The following CCSER1 variants were observed in gnomAD, a reference collection of about 807,000 sequenced individuals.
CCSER1 encodes coiled-coil serine rich protein 1.
Under a neutral mutation model 82.0 loss-of-function variants are expected in CCSER1, and 41 were observed. That is an observed-to-expected ratio of 0.50 (90% CI 0.39 to 0.65). The LOEUF is 0.65. Among genes scored for constraint, CCSER1 ranks in the 30% least tolerant of loss-of-function variants. The pLI is 0.00. For missense variants in CCSER1, 1,119 were observed against 1,064.2 expected (o/e 1.05, Z -0.72); for synonymous variants, 414 against 383.9 (o/e 1.08, Z -0.92).
At chr4:91,341,948 T>C (rs1747748406) in intron 10 of CCSER1, among the ~76,000 whole-genome samples, 1 of 152,218 alleles carries the variant, frequency 6.6e-6, no homozygotes, top group African/African-American at 2.4e-5. Flanking sequence ...AATATTTTCA[T>C]GCATCTACAT....
chr4:91,039,134 C>A (rs1433380420), intron 9 of CCSER1, among the ~76,000 whole-genome samples: 2 of 152,102 alleles, frequency 1.3e-5, no homozygotes, highest in Admixed American at 6.6e-5. Context: ...CTCAAGCAAT[C>A]CTCCCACCTA....
intron 5 of CCSER1, among the ~76,000 whole-genome samples, chr4:90,566,432 T>TAAA (rs146449432): frequency 6.8e-6 from 1 of 147,096 alleles, no homozygotes. Flanking sequence ...CTCTGTAAAT[T>TAAA]AAAAAAAAAA....
At chr4:90,992,156 G>T (rs952892329) in intron 9 of CCSER1, among the ~76,000 whole-genome samples, 2 of 151,968 alleles carry the variant, frequency 1.3e-5, no homozygotes, top group African/African-American at 4.8e-5. Flanking sequence ...TGCCAAACTT[G>T]TAGATAATTT....
chr4:90,748,143 G>A lies in CCSER1; in HGVS notation c.2010+24152G>A, dbSNP rs1188106602. On this transcript the variant is annotated intron_variant, in intron 7 of 10. Coordinates refer to ENST00000509176, the MANE Select transcript of CCSER1 (RefSeq NM_001145065.2). ...GCTGGTGCGCTGCACCCACTAACTC[G>A]TCATCTAGCATTAGGTATATCTCCC... Among the ~76,000 whole-genome samples the A allele has an allele frequency of 3.0e-4, 41 of 135,144 alleles. 1 individual carries two copies. The highest frequency in any genetic ancestry group is 1.3e-3 in the Admixed American group (17 of 13,476). 88.7% of individuals were successfully genotyped at this position (135,144 alleles called of 152,430 possible). A position where few individuals can be genotyped will look rare whatever the true frequency, so the allele number is the denominator to read the frequency against.
chr4:91,103,534 G>A (rs927291160), intron 10 of CCSER1, among the ~76,000 whole-genome samples: 17 of 152,306 alleles, frequency 1.1e-4, no homozygotes, highest in African/African-American at 3.1e-4. Context: ...GTTGCAGGAA[G>A]TCAGGGACCC....
At chr4:91,493,406 A>G (rs942225090) in intron 10 of CCSER1, among the ~76,000 whole-genome samples, 1 of 151,436 alleles carries the variant, frequency 6.6e-6, no homozygotes, top group African/African-American at 2.4e-5. Context: ...TTTTCAAGAT[A>G]CATAATTTCT....
intron 10 of CCSER1, among the ~76,000 whole-genome samples, chr4:91,466,750 C>T (rs900248931): frequency 2.6e-5 from 4 of 152,148 alleles, no homozygotes; most frequent in African/African-American, 9.7e-5. Flanking sequence ...AACTCCCATT[C>T]ACAATTGCTT....
At chr4:90,945,693 T>G (rs1296720006) in intron 9 of CCSER1, among the ~76,000 whole-genome samples, 1 of 152,234 alleles carries the variant, frequency 6.6e-6, no homozygotes, top group Non-Finnish European at 1.5e-5. Flanking sequence ...TTCTTCTCGC[T>G]TAGCTTGTTT....
chr4:91,450,818 T>C lies in CCSER1; in HGVS notation c.2218-147754T>C, dbSNP rs1578490026. The stretch of plus-strand genomic sequence containing the variant: ...ACTACTCAATGCTAAAAAAATGTCA[T>C]GGGAAAGAAATGGGTGACACAATTA... On this transcript the variant is annotated intron_variant, in intron 10 of 10. Transcript: ENST00000509176. Among the ~76,000 whole-genome samples the C allele has an allele frequency of 2.6e-5, 4 of 151,942 alleles. No individual in the cohort carries two copies. In the East Asian group the frequency reaches 7.7e-4, roughly 29 times the overall value.
chr4:91,587,829 T>TTA (rs1764072852), intron 10 of CCSER1, among the ~76,000 whole-genome samples: 1 of 151,716 alleles, frequency 6.6e-6, no homozygotes, highest in Non-Finnish European at 1.5e-5. Flanking sequence ...TTAACAATCT[T>TTA]TATAATCTAA....
intron 4 of CCSER1, among the ~76,000 whole-genome samples, chr4:90,404,901 ACT>A (rs1753485151): frequency 6.6e-6 from 1 of 152,164 alleles, no homozygotes; most frequent in Non-Finnish European, 1.5e-5. Flanking sequence ...GACACAGTCT[ACT>A]CAAATGAGAA....
chr4:90,128,492 T>C (rs904019744), intron 1 of CCSER1, among the ~76,000 whole-genome samples: 4 of 123,868 alleles, frequency 3.2e-5, no homozygotes, highest in Non-Finnish European at 6.9e-5. Context: ...CCAGGTTGTG[T>C]GCGTGTGTGT....
intron 1 of CCSER1, among the ~76,000 whole-genome samples, 159 bp downstream of exon 1, chr4:90,127,990 G>C (rs889755228): frequency 2.6e-5 from 4 of 151,806 alleles, no homozygotes; most frequent in Non-Finnish European, 4.4e-5. Context: ...CGGCGTGCTC[G>C]GCGCAGAGAC....
intron 10 of CCSER1, among the ~76,000 whole-genome samples, chr4:91,311,623 T>C (rs560451139): frequency 6.6e-6 from 1 of 152,104 alleles, no homozygotes; most frequent in East Asian, 1.9e-4. Context: ...TTAGTAGCTG[T>C]CTGTATTTCT....
At chr4:91,120,720 T>C (rs1727012079) in intron 10 of CCSER1, among the ~76,000 whole-genome samples, 1 of 151,924 alleles carries the variant, frequency 6.6e-6, no homozygotes, top group Non-Finnish European at 1.5e-5. Context: ...GGGAAAATTA[T>C]CTTCAAGGTG....
chr4:90,303,431 T>C (rs1733568133), intron 1 of CCSER1, among the ~76,000 whole-genome samples: 1 of 152,070 alleles, frequency 6.6e-6, no homozygotes. Flanking sequence ...CAAAACAGCA[T>C]GGTACTGGTA....
At chr4:90,760,814 T>C (rs1199866785) in intron 7 of CCSER1, among the ~76,000 whole-genome samples, 1 of 152,092 alleles carries the variant, frequency 6.6e-6, no homozygotes, top group Non-Finnish European at 1.5e-5. Flanking sequence ...CAAAAACAAA[T>C]ACGGCCAACA....
chr4:91,061,291 AAG>A (rs1491054337), intron 9 of CCSER1, among the ~76,000 whole-genome samples: 1 of 151,986 alleles, frequency 6.6e-6, no homozygotes, highest in Non-Finnish European at 1.5e-5. Flanking sequence ...TAAAAAAAAA[AAG>A]AACTGAAACT....
At chr4:90,177,837 T>C (rs1289325875) in intron 1 of CCSER1, among the ~76,000 whole-genome samples, 2 of 152,056 alleles carry the variant, frequency 1.3e-5, no homozygotes. Context: ...GCTCTGGTTG[T>C]TTTGGGCCTG....
Sources: allele counts gnomAD v4.1 joint callset (sites outside exome capture counted in the v4.1 genomes callset), GRCh38; gene constraint gnomAD v4.1.1; transcripts MANE v1.5; gene names NCBI Gene and HGNC (gene_info 2026-07-23, HGNC 2026-07-21).